The following SOX6 variants were observed in gnomAD, a reference collection of about 807,000 sequenced individuals.
SOX6 encodes the protein SRY-box transcription factor 6.
In SOX6, 11 loss-of-function variants were observed where a neutral mutation model predicts 97.8. That is an observed-to-expected ratio of 0.11 (90% confidence interval 0.07 to 0.19). SOX6 has a LOEUF of 0.19. Among genes scored for constraint, SOX6 ranks in the 10% least tolerant of loss-of-function variants. SOX6 has a pLI of 1.00. For synonymous variants in SOX6, 360 were observed against 371.4 expected, an observed-to-expected ratio of 0.97 and a Z score of 0.35; for missense variants, 810 against 1,039.5, an observed-to-expected ratio of 0.78 and a Z score of 3.04.
At chr11:16,405,458 G>A (rs1377573874) in intron 1 of SOX6, among the ~76,000 whole-genome samples, 3 of 152,086 alleles carry the variant, frequency 2.0e-5, no homozygotes, top group East Asian at 3.9e-4. Context: ...TCCGAATACA[G>A]CTTCAGATGA....
intron 4 of SOX6, among the ~76,000 whole-genome samples, chr11:16,524,875 T>C (rs1389418757): frequency 6.6e-6 from 1 of 152,142 alleles, no homozygotes; most frequent in African/African-American, 2.4e-5. Context: ...TGAACTCCCA[T>C]TCACAATTGC....
chr11:16,067,705 G>A (rs1299038918), intron 9 of SOX6, among the ~76,000 whole-genome samples: 1 of 152,124 alleles, frequency 6.6e-6, no homozygotes, highest in Non-Finnish European at 1.5e-5. Flanking sequence ...AAATGCTTGA[G>A]AGGATGGATA....
intron 4 of SOX6, among the ~76,000 whole-genome samples, chr11:16,504,530 T>C (rs1860755409): frequency 6.6e-6 from 1 of 150,752 alleles, no homozygotes; most frequent in African/African-American, 2.4e-5. Context: ...TAATCAAGGA[T>C]AAAGACCTCT....
At chr11:15,994,159 C>G (rs1854152243) in intron 13 of SOX6, among the ~76,000 whole-genome samples, 1 of 151,954 alleles carries the variant, frequency 6.6e-6, no homozygotes, top group Non-Finnish European at 1.5e-5. Context: ...AAATTACAAA[C>G]GATGCTAACA....
intron 4 of SOX6, among the ~76,000 whole-genome samples, chr11:16,190,460 C>A (rs1851599624): frequency 6.6e-6 from 1 of 152,108 alleles, no homozygotes; most frequent in African/African-American, 2.4e-5. Flanking sequence ...CACAATATAA[C>A]AACTATTCAC....
chr11:16,388,515 A>T (rs1362632273), intron 1 of SOX6, among the ~76,000 whole-genome samples: 1 of 152,040 alleles, frequency 6.6e-6, no homozygotes, highest in Non-Finnish European at 1.5e-5. Context: ...CACAAGTGAA[A>T]TCATTTGGGC....
chr11:16,658,656 C>T (rs1034054567), intron 3 of SOX6, among the ~76,000 whole-genome samples: 2 of 151,226 alleles, frequency 1.3e-5, no homozygotes, highest in East Asian at 2.0e-4. Flanking sequence ...TGCAGTGAGC[C>T]GAGATCAAGC....
At chr11:16,309,950 C>T (rs1855549656) in intron 3 of SOX6, among the ~76,000 whole-genome samples, 1 of 152,082 alleles carries the variant, frequency 6.6e-6, no homozygotes, top group Non-Finnish European at 1.5e-5. Context: ...AAGCTGCATC[C>T]TCTTTCTAAA....
intron 3 of SOX6, among the ~76,000 whole-genome samples, chr11:16,310,745 G>A (rs888192237): frequency 6.6e-6 from 1 of 151,864 alleles, no homozygotes; most frequent in East Asian, 1.9e-4. Flanking sequence ...GCAAAAACCC[G>A]AAACCTTTCC....
Position 16,565,039 on chromosome 11 carries a change from A to G in SOX6, n.609+47042T>C, listed in dbSNP as rs182814900. Among the ~76,000 whole-genome samples, 127 of 152,260 alleles carry G rather than the reference A, an allele frequency of 8.3e-4. 3 individuals are homozygous for G. The highest frequency in any genetic ancestry group is 2.7e-3 in the African/African-American group (111 of 41,552). ...AAAAAATTGGTTCTTTGAAATGATC[A>G]ATAATATTGGCAAGCCCCTATCAAG... On this transcript the variant is annotated intron_variant and non_coding_transcript_variant, in intron 4 of 5. Coordinates refer to the SOX6 transcript ENST00000524520.
chr11:16,568,107 C>T (rs1847895589), intron 4 of SOX6, among the ~76,000 whole-genome samples: 1 of 151,876 alleles, frequency 6.6e-6, no homozygotes, highest in African/African-American at 2.4e-5. Flanking sequence ...TACCTTCAGG[C>T]TATGTGTATA....
At chr11:16,402,420 A>G (rs1246734593) in intron 1 of SOX6, among the ~76,000 whole-genome samples, 3 of 151,662 alleles carry the variant, frequency 2.0e-5, no homozygotes, top group African/African-American at 7.2e-5. Flanking sequence ...GAAAGCTAAA[A>G]CAACTAAATT....
chr11:16,204,810 G>A (rs1026540846), intron 4 of SOX6, among the ~76,000 whole-genome samples: 3 of 152,054 alleles, frequency 2.0e-5, no homozygotes, highest in Non-Finnish European at 4.4e-5. Context: ...CCCCAAGTTT[G>A]ACAAATAAGA....
At chr11:16,134,547 A>G (rs1465986868) in intron 6 of SOX6, among the ~76,000 whole-genome samples, 1 of 152,142 alleles carries the variant, frequency 6.6e-6, no homozygotes, top group Non-Finnish European at 1.5e-5. Context: ...TACCAATGTC[A>G]TTTTTCCAAC....
At chr11:16,475,645 G>A (rs373889961) in intron 1 of SOX6, among the ~76,000 whole-genome samples, 7 of 152,066 alleles carry the variant, frequency 4.6e-5, no homozygotes, top group South Asian at 2.1e-4. Context: ...ATTATAGATC[G>A]TCATAACAGA....
intron 4 of SOX6, among the ~76,000 whole-genome samples, chr11:16,580,484 T>G (rs1848022247): frequency 6.6e-6 from 1 of 152,084 alleles, no homozygotes; most frequent in Non-Finnish European, 1.5e-5. Flanking sequence ...TGCCTCTTTC[T>G]CGGAAAATAC....
rs185436449 is a variant in SOX6, at chr11:16,400,866, T to C, written c.-4-59614A>G. ...GAAATAATAAGGTAAAATTATAAGT[T>C]ATTTTATTTCCTCCTTTATGATTAA... On this transcript the variant is annotated intron_variant, in intron 1 of 15. Transcript: ENST00000396356. 1.6e-3 allele frequency among the ~76,000 whole-genome samples: 246 copies of C among 151,608 alleles called. 2 individuals are homozygous for C. The highest frequency in any genetic ancestry group is 5.8e-3 in the African/African-American group (242 of 41,488).
chr11:15,996,102 G>A (rs1373083655), intron 13 of SOX6, among the ~76,000 whole-genome samples: 1 of 152,110 alleles, frequency 6.6e-6, no homozygotes, highest in Non-Finnish European at 1.5e-5. Flanking sequence ...ATTGTCTAAT[G>A]TTTTTAAAAG....
At chr11:16,636,523 G>A (rs550762649) in intron 3 of SOX6, among the ~76,000 whole-genome samples, 1 of 152,318 alleles carries the variant, frequency 6.6e-6, no homozygotes, top group South Asian at 2.1e-4. Context: ...GGACTTTTGA[G>A]TTAATGCTGG....
Sources: allele counts gnomAD v4.1 joint callset (sites outside exome capture counted in the v4.1 genomes callset), GRCh38; gene constraint gnomAD v4.1.1; transcripts MANE v1.5; gene names NCBI Gene and HGNC (gene_info 2026-07-23, HGNC 2026-07-21).